Variants in BCAR3 observed in about 807,000 individuals in gnomAD.
The protein encoded by BCAR3 is BCAR3 adaptor protein, NSP family member.
In BCAR3, 37 loss-of-function variants were observed where a neutral mutation model predicts 80.1. The observed-to-expected ratio is 0.46, with a 90% CI of 0.36 to 0.61. The LOEUF is 0.61. BCAR3 is among the 20% of genes least tolerant of loss of function. The pLI, the probability that BCAR3 is intolerant of heterozygous loss-of-function variation, is 0.00. For synonymous variants in BCAR3, 389 were observed against 418.9 expected, an observed-to-expected ratio of 0.93 and a Z score of 0.87; for missense variants, 978 against 1,068.2, an observed-to-expected ratio of 0.92 and a Z score of 1.18.
At chr1:93,786,639 G>T (rs1332438322) in intron 2 of BCAR3, among the ~76,000 whole-genome samples, 1 of 152,154 alleles carries the variant, frequency 6.6e-6, no homozygotes, top group African/African-American at 2.4e-5. Flanking sequence ...CTCCTGGAAG[G>T]CCAAAGAAAG....
intron 9 of BCAR3, 110 bp downstream of exon 9, chr1:93,571,560 C>CT: frequency 1.4e-6 from 2 of 1,404,468 alleles, no homozygotes; most frequent in Non-Finnish European, 2.0e-6. Context: ...GCAGCTTTCA[C>CT]TAAGATTCAA....
At chr1:93,564,116 ATGC>A (rs1672821940) in intron 11 of BCAR3, among the ~76,000 whole-genome samples, 1 of 151,880 alleles carries the variant, frequency 6.6e-6, no homozygotes, top group African/African-American at 2.4e-5. Flanking sequence ...TGTCATTTGT[ATGC>A]CTTCTCTGAT....
chr1:93,723,934 C>T (rs565057432), intron 2 of BCAR3, among the ~76,000 whole-genome samples: 17 of 152,240 alleles, frequency 1.1e-4, no homozygotes, highest in Admixed American at 8.5e-4. Context: ...AAGGAGATGT[C>T]GAATTCCATT....
intron 2 of BCAR3, among the ~76,000 whole-genome samples, chr1:93,809,811 A>G (rs1653770664): frequency 6.6e-6 from 1 of 151,600 alleles, no homozygotes; most frequent in Admixed American, 6.6e-5. Context: ...TGAAGACCCA[A>G]TAAAGGTCTT....
intron 9 of BCAR3, among the ~76,000 whole-genome samples, chr1:93,571,360 T>C (rs1203056206): frequency 6.6e-6 from 1 of 151,642 alleles, no homozygotes; most frequent in Non-Finnish European, 1.5e-5. Flanking sequence ...ATTAGCTGGG[T>C]GTGGTGGTGC....
intron 3 of BCAR3, among the ~76,000 whole-genome samples, chr1:93,627,020 A>C (rs1354336308): frequency 6.6e-6 from 1 of 152,248 alleles, no homozygotes; most frequent in African/African-American, 2.4e-5. Flanking sequence ...AACAACAGAC[A>C]GTGTTTGTTG....
At chr1:93,738,465 C>T (rs927805011) in intron 2 of BCAR3, among the ~76,000 whole-genome samples, 8 of 152,252 alleles carry the variant, frequency 5.3e-5, no homozygotes, top group Non-Finnish European at 1.2e-4. Context: ...TTGTGCTCCG[C>T]CCTCCCCCGC....
At chr1:93,649,344 GAC>G (rs1480590840) in intron 2 of BCAR3, among the ~76,000 whole-genome samples, 2 of 152,154 alleles carry the variant, frequency 1.3e-5, no homozygotes, top group African/African-American at 4.8e-5. Context: ...TTTGTGTGGG[GAC>G]ACTGCTAACT....
chr1:93,842,076 C>T (rs142106327), intron 2 of BCAR3, among the ~76,000 whole-genome samples: 270 of 152,084 alleles, frequency 1.8e-3, no homozygotes, highest in African/African-American at 5.8e-3. Flanking sequence ...CCTGAAGTCC[C>T]GTATCACCAC....
intron 2 of BCAR3, among the ~76,000 whole-genome samples, chr1:93,666,174 T>C (rs1205285174): frequency 1.3e-5 from 2 of 152,214 alleles, no homozygotes; most frequent in African/African-American, 4.8e-5. Context: ...GATTTCCTTT[T>C]GCCCTACAGA....
chr1:93,741,609 C>T lies in BCAR3; in HGVS notation c.-62-35467G>A, dbSNP rs975911517. ...ACTGGAGACAGAGTTTCACTCTTGTCGCCCAGGCTGGAGTGCAATGGCGCT... is the reference window on the plus strand; with the variant it reads ...ACTGGAGACAGAGTTTCACTCTTGTTGCCCAGGCTGGAGTGCAATGGCGCT... On this transcript the variant is annotated intron_variant, in intron 2 of 13. Transcript: ENST00000370244. 3.3e-5 allele frequency among the ~76,000 whole-genome samples: 5 copies of T among 152,168 alleles called. No homozygotes were observed. In the South Asian group the frequency reaches 6.2e-4, roughly 19 times the overall value.
At chr1:93,803,498 T>C (rs1166094952) in intron 2 of BCAR3, among the ~76,000 whole-genome samples, 1 of 152,168 alleles carries the variant, frequency 6.6e-6, no homozygotes, top group Non-Finnish European at 1.5e-5. Flanking sequence ...AATAGACCTC[T>C]ACCAGAAAAA....
At chr1:93,826,544 T>A (rs1654377678) in intron 2 of BCAR3, among the ~76,000 whole-genome samples, 1 of 152,210 alleles carries the variant, frequency 6.6e-6, no homozygotes, top group Non-Finnish European at 1.5e-5. Context: ...TCATTCATAC[T>A]TCATTTACTG....
At chr1:93,803,336 G>T (rs1052946586) in intron 2 of BCAR3, among the ~76,000 whole-genome samples, 1 of 152,048 alleles carries the variant, frequency 6.6e-6, no homozygotes, top group Admixed American at 6.5e-5. Context: ...CAAAGAAACC[G>T]CCACTCTAAC....
Position 93,573,615 on chromosome 1 carries a change from A to ATTTG in BCAR3, c.1803-1775_1803-1774insCAAA, listed in dbSNP as rs919862286. On this transcript the variant is annotated intron_variant, in intron 8 of 11. Transcript: ENST00000260502. ...CATAGACCTAAAATATATTTTTATT[A>ATTTG]TTATTATTATTATTATTATTTTTTT... Among the ~76,000 whole-genome samples the ATTTG allele has an allele frequency of 8.9e-4, 116 of 129,710 alleles. 6 individuals are homozygous for ATTTG. Among genetic ancestry groups the ATTTG allele is most frequent in the Middle Eastern group, 4.1e-3 (1 of 242 alleles). 85.1% of individuals were successfully genotyped at this position (129,710 alleles called of 152,430 possible).
At chr1:93,614,054 C>A in intron 3 of BCAR3, 2 of 1,449,832 alleles carry the variant, frequency 1.4e-6, no homozygotes, top group South Asian at 1.5e-5. Flanking sequence ...TCAGGGAAGT[C>A]GGCAGCCGGG....
rs1649501867 is a variant in BCAR3 at position 93,698,436 on chromosome 1, G to C, written c.-12+7656C>G. The stretch of plus-strand genomic sequence containing the variant: ...ATGACAAGGGCTTTGGGATCCCCAA[G>C]GACCTTACTGGGTGGGGGCTTAGAA... On this transcript the variant is annotated intron_variant, in intron 3 of 13. Coordinates refer to the BCAR3 transcript ENST00000370244. Among the ~76,000 whole-genome samples the C allele has an allele frequency of 2.0e-5, 3 of 152,188 alleles. No individual in the cohort carries two copies. The South Asian group carries it at 6.2e-4, about 32-fold the overall frequency.
Position 93,735,753 on chromosome 1 carries a change from A to G in BCAR3, c.-62-29611T>C, listed in dbSNP as rs924011822. Among the ~76,000 whole-genome samples, 4 of 152,218 alleles carry G rather than the reference A, an allele frequency of 2.6e-5. No homozygotes were observed. In the South Asian group the frequency reaches 6.2e-4, roughly 24 times the overall value. ...ATAATATTCTCAGAGAGAAAAGATGATATTTTGGACCAAGGCAGCTCGCTT... is the reference window on the plus strand; with the variant it reads ...ATAATATTCTCAGAGAGAAAAGATGGTATTTTGGACCAAGGCAGCTCGCTT... On this transcript the variant is annotated intron_variant, in intron 2 of 13. Transcript: ENST00000370244.
Position 93,630,086 on chromosome 1 carries a change from A to C in BCAR3, c.357+12218T>G, listed in dbSNP as rs554301939. 7.2e-5 allele frequency among the ~76,000 whole-genome samples: 11 copies of C among 152,346 alleles called. 1 individual carries two copies. In the South Asian group the frequency reaches 2.3e-3, roughly 32 times the overall value. On this transcript the variant is annotated intron_variant, in intron 3 of 11. Coordinates refer to ENST00000260502, the MANE Select transcript of BCAR3 (RefSeq NM_003567.4). ...TGTGTACATTTTAAAATAACTGAAG[A>C]GTACAATTGGATTGTTTGTAACTCA...
Sources: gnomAD v4.1 joint callset for allele counts (sites outside exome capture counted in the v4.1 genomes callset) on GRCh38, gnomAD v4.1.1 for gene constraint, MANE v1.5 for transcripts, NCBI Gene and HGNC (gene_info 2026-07-23, HGNC 2026-07-21) for gene names.